The following CCNY variants were observed in gnomAD, a reference collection of about 807,000 sequenced individuals.
The protein encoded by CCNY is cyclin-Y.
CCNY carries 19 observed loss-of-function variants against 42.8 expected under a neutral mutation model. The ratio of observed to expected loss-of-function variants is 0.44; its 90% CI spans 0.31 to 0.65. The LOEUF is 0.65. Among genes scored for constraint, CCNY ranks in the 30% least tolerant of loss-of-function variants. CCNY has a pLI of 0.07. For synonymous variants in CCNY, 165 were observed against 162.7 expected, an observed-to-expected ratio of 1.01 and a Z score of -0.11; for missense variants, 370 against 437.3, an observed-to-expected ratio of 0.85 and a Z score of 1.37.
chr10:35,372,891 C>T (rs1003383620), intron 1 of CCNY, among the ~76,000 whole-genome samples: 15 of 151,976 alleles, frequency 9.9e-5, no homozygotes, highest in Non-Finnish European at 1.5e-4. Context: ...AGAGACAGGG[C>T]TTCACCATGT....
chr10:35,358,787 G>A (rs1287781459), intron 1 of CCNY, among the ~76,000 whole-genome samples: 5 of 152,226 alleles, frequency 3.3e-5, no homozygotes, highest in East Asian at 1.9e-4. Context: ...GCTGATGACC[G>A]TGAGCCACAG....
chr10:35,337,230 C>T, intron 1 of CCNY, 23 bp downstream of exon 1: 2 of 1,489,452 alleles, frequency 1.3e-6, no homozygotes, highest in Non-Finnish European at 9.0e-7. Context: ...CGCCGAGCCC[C>T]CTACCCGCCC....
chr10:35,477,075 A>G (rs1362842862), intron 1 of CCNY, among the ~76,000 whole-genome samples: 1 of 152,216 alleles, frequency 6.6e-6, no homozygotes, highest in African/African-American at 2.4e-5. Context: ...GACTCTCCCA[A>G]GACTAAACCA....
At chr10:35,496,663 T>C (rs935395774) in intron 2 of CCNY, among the ~76,000 whole-genome samples, 3 of 151,992 alleles carry the variant, frequency 2.0e-5, no homozygotes, top group Admixed American at 6.6e-5. Context: ...TGAGATCTCA[T>C]CTCTAAAAAA....
chr10:35,408,893 T>C (rs532685581), intron 1 of CCNY, among the ~76,000 whole-genome samples: 1 of 152,090 alleles, frequency 6.6e-6, no homozygotes, highest in South Asian at 2.1e-4. Flanking sequence ...TATTATTTCA[T>C]CATAAATGCC....
chr10:35,263,222 T>G (rs1028745818), intron 3 of CCNY, among the ~76,000 whole-genome samples: 6 of 151,842 alleles, frequency 4.0e-5, no homozygotes, highest in Admixed American at 2.6e-4. Context: ...CCAGGCGTGG[T>G]GGCGGGCTCC....
At chr10:35,296,191 G>T (rs1835468067) in intron 3 of CCNY, among the ~76,000 whole-genome samples, 2 of 152,128 alleles carry the variant, frequency 1.3e-5, no homozygotes, top group Admixed American at 1.3e-4. Flanking sequence ...CTGAATTGAA[G>T]GAAATTGAGA....
intron 1 of CCNY, among the ~76,000 whole-genome samples, chr10:35,465,298 T>C (rs1191603805): frequency 6.6e-6 from 1 of 152,088 alleles, no homozygotes; most frequent in Admixed American, 6.6e-5. Flanking sequence ...CCTGCCTTTG[T>C]GCTGGGGTCC....
intron 1 of CCNY, among the ~76,000 whole-genome samples, chr10:35,384,229 A>G (rs1837254902): frequency 6.6e-6 from 1 of 152,202 alleles, no homozygotes; most frequent in Non-Finnish European, 1.5e-5. Context: ...ACATGGCATC[A>G]CACAAGCAGT....
chr10:35,449,754 T>C (rs955407953), intron 1 of CCNY: 3 of 985,194 alleles, frequency 3.0e-6, no homozygotes, highest in Non-Finnish European at 1.2e-6. Flanking sequence ...GTGAGCACAA[T>C]GGAGGCAAGA....
At chr10:35,378,674 G>A (rs1837109207) in intron 1 of CCNY, among the ~76,000 whole-genome samples, 1 of 152,126 alleles carries the variant, frequency 6.6e-6, no homozygotes, top group African/African-American at 2.4e-5. Context: ...GTTAGAATAT[G>A]TGTGAGTCAG....
chr10:35,408,377 G>A (rs1398018023), intron 1 of CCNY, among the ~76,000 whole-genome samples: 1 of 152,198 alleles, frequency 6.6e-6, no homozygotes, highest in African/African-American at 2.4e-5. Context: ...GTGCCGGCAG[G>A]CTGAGTCAGA....
At chr10:35,253,451 TG>T (rs1390554138) in intron 3 of CCNY, among the ~76,000 whole-genome samples, 1 of 136,822 alleles carries the variant, frequency 7.3e-6, no homozygotes, top group Non-Finnish European at 1.5e-5. Context: ...TTTGTAGAGA[TG>T]GGTGTGTTGT....
chr10:35,269,626 T>A (rs11817032), intron 3 of CCNY, among the ~76,000 whole-genome samples: 1 of 138,642 alleles, frequency 7.2e-6, no homozygotes, highest in South Asian at 2.3e-4. Flanking sequence ...TCTTTTTTTT[T>A]TTTTGTTTTG....
intron 7 of CCNY, among the ~76,000 whole-genome samples, chr10:35,536,847 T>G (rs1307155964): frequency 6.6e-6 from 1 of 152,166 alleles, no homozygotes; most frequent in Non-Finnish European, 1.5e-5. Context: ...TTCACAAAAT[T>G]TGCAGCCTGA....
intron 1 of CCNY, among the ~76,000 whole-genome samples, chr10:35,418,736 C>T (rs1157095520): frequency 6.6e-6 from 1 of 152,098 alleles, no homozygotes. Flanking sequence ...TGGTATGAAC[C>T]CTGGCCCTGT....
intron 1 of CCNY, among the ~76,000 whole-genome samples, chr10:35,408,626 G>C (rs921221738): frequency 2.0e-5 from 3 of 151,918 alleles, no homozygotes; most frequent in Non-Finnish European, 4.4e-5. Flanking sequence ...AATCACAATG[G>C]TAGAATATCA....
At chr10:35,346,737 C>T (rs1000077998) in intron 1 of CCNY, among the ~76,000 whole-genome samples, 3 of 152,194 alleles carry the variant, frequency 2.0e-5, no homozygotes, top group Admixed American at 6.5e-5. Context: ...AGTGATCCTC[C>T]CACCTCAGCC....
rs141109313 is a variant in CCNY, at chr10:35,473,093, A to G, written c.155-10311A>G. Among the ~76,000 whole-genome samples, 55 of 152,344 alleles carry G rather than the reference A, an allele frequency of 3.6e-4. 1 individual carries two copies. Among genetic ancestry groups the G allele is most frequent in the Admixed American group, 1.4e-3 (22 of 15,306 alleles). ...GTAAGCATGCTATTCTGTGTCTCCC[A>G]GGATTGGGTCACATATTTTATTCTT... On this transcript the variant is annotated intron_variant, in intron 1 of 9. Transcript: ENST00000374704.
Sources: gnomAD v4.1 joint callset for allele counts (sites outside exome capture counted in the v4.1 genomes callset) on GRCh38, gnomAD v4.1.1 for gene constraint, MANE v1.5 for transcripts, NCBI Gene and HGNC (gene_info 2026-07-23, HGNC 2026-07-21) for gene names.